Variants in PLEKHF2 observed in about 807,000 individuals in gnomAD.
The protein encoded by PLEKHF2 is pleckstrin homology and FYVE domain containing 2.
A neutral mutation model predicts 14.7 loss-of-function variants in PLEKHF2; 4 were observed. The ratio of observed to expected loss-of-function variants is 0.27; its 90% CI spans 0.13 to 0.62. The LOEUF (loss-of-function observed/expected upper bound fraction) is 0.62. Ranked by LOEUF, PLEKHF2 falls within the 20% of genes least tolerant of loss-of-function variation. The probability of loss-of-function intolerance (pLI) is 0.85; values close to 1 mark genes in which losing one functional copy is unlikely to be tolerated. For missense variants in PLEKHF2, 201 were observed against 307.7 expected, an observed-to-expected ratio of 0.65 and a Z score of 2.60; for synonymous variants, 90 against 103.5, an observed-to-expected ratio of 0.87 and a Z score of 0.79.
intron 1 of PLEKHF2, among the ~76,000 whole-genome samples, chr8:95,136,728 T>A (rs1228106293): frequency 6.6e-6 from 1 of 152,156 alleles, no homozygotes; most frequent in East Asian, 1.9e-4. Context: ...ATATGAAAAA[T>A]TTTTTTGTTG....
chr8:95,151,298 A>G lies in PLEKHF2; in HGVS notation c.-14-2733A>G, dbSNP rs187945309. ...ATCTGTTTGTGTTGTATATGAGTTA[A>G]TAACGATATGTTCAAATGGGTGGAC... On this transcript the variant is annotated intron_variant, in intron 1 of 1. Transcript: ENST00000315367. Among the ~76,000 whole-genome samples the G allele has an allele frequency of 2.6e-5, 4 of 152,294 alleles. No homozygotes were observed. In the East Asian group the frequency reaches 7.7e-4, roughly 29 times the overall value.
chr8:95,134,166 G>A (rs1158435059), intron 1 of PLEKHF2, 136 bp downstream of exon 1: 1 of 151,072 alleles, frequency 6.6e-6, no homozygotes, highest in Non-Finnish European at 1.5e-5. Flanking sequence ...GGGCGGTGGC[G>A]GCCGACGCCA....
At chr8:95,146,811 T>TAAA (rs1039578051) in intron 1 of PLEKHF2, among the ~76,000 whole-genome samples, 1 of 144,440 alleles carries the variant, frequency 6.9e-6, no homozygotes, top group African/African-American at 2.5e-5. Flanking sequence ...GAAGACAACG[T>TAAA]AAAAAAAAAA....
chr8:95,143,688 C>G (rs916771239), intron 1 of PLEKHF2, among the ~76,000 whole-genome samples: 1 of 152,070 alleles, frequency 6.6e-6, no homozygotes, highest in Non-Finnish European at 1.5e-5. Context: ...CTGGTAATAG[C>G]TAGTAGTCTG....
intron 1 of PLEKHF2, among the ~76,000 whole-genome samples, chr8:95,153,498 A>T (rs1284678774): frequency 6.6e-6 from 1 of 152,188 alleles, no homozygotes; most frequent in Non-Finnish European, 1.5e-5. Flanking sequence ...TTAGGGTTTT[A>T]GAGATCACTG....
At chr8:95,141,300 C>T (rs1259083626) in intron 1 of PLEKHF2, among the ~76,000 whole-genome samples, 2 of 152,160 alleles carry the variant, frequency 1.3e-5, no homozygotes, top group Non-Finnish European at 2.9e-5. Context: ...ACTTTCCCCT[C>T]TATTTTTGCA....
At chr8:95,139,826 C>T (rs1446685385) in intron 1 of PLEKHF2, among the ~76,000 whole-genome samples, 4 of 147,226 alleles carry the variant, frequency 2.7e-5, no homozygotes, top group African/African-American at 1.0e-4. Flanking sequence ...TTTTTTTTTC[C>T]CATGTGTCCC....
At chr8:95,148,474 C>T (rs12335131) in intron 1 of PLEKHF2, among the ~76,000 whole-genome samples, 12,112 of 151,996 alleles carry the variant, frequency 0.08, 661 homozygotes, top group African/African-American at 0.14. Flanking sequence ...CTACCAGATA[C>T]AAGGTACTGA....
At chr8:95,148,805 G>T (rs950171057) in intron 1 of PLEKHF2, among the ~76,000 whole-genome samples, 5 of 152,056 alleles carry the variant, frequency 3.3e-5, no homozygotes, top group Non-Finnish European at 7.4e-5. Context: ...TTTCACATAT[G>T]CCAGAATACA....
intron 1 of PLEKHF2, among the ~76,000 whole-genome samples, chr8:95,140,981 A>G (rs772293510): frequency 2.0e-5 from 3 of 152,156 alleles, no homozygotes; most frequent in East Asian, 1.9e-4. Flanking sequence ...AATCTTTCCT[A>G]TAGAAACACA....
chr8:95,151,528 A>G (rs978779297), intron 1 of PLEKHF2, among the ~76,000 whole-genome samples: 3 of 151,666 alleles, frequency 2.0e-5, no homozygotes, highest in East Asian at 3.9e-4. Flanking sequence ...TGTAGTCTGA[A>G]TAGCTCTCAG....
At chr8:95,136,333 T>TACACACACAC (rs34457137) in intron 1 of PLEKHF2, among the ~76,000 whole-genome samples, 4 of 123,932 alleles carry the variant, frequency 3.2e-5, no homozygotes, top group African/African-American at 6.3e-5. Flanking sequence ...TTATTATATA[T>TACACACACAC]ACACACACAC....
intron 1 of PLEKHF2, among the ~76,000 whole-genome samples, chr8:95,147,850 TTC>T (rs1009347340): frequency 6.6e-6 from 1 of 152,038 alleles, no homozygotes; most frequent in African/African-American, 2.4e-5. Flanking sequence ...ATTTTTTATT[TTC>T]TGTCTTTAAT....
At chr8:95,143,818 G>C (rs1160150787) in intron 1 of PLEKHF2, among the ~76,000 whole-genome samples, 1 of 152,184 alleles carries the variant, frequency 6.6e-6, no homozygotes, top group African/African-American at 2.4e-5. Flanking sequence ...ATTTGATTCT[G>C]TTGGCCAAGG....
At chr8:95,143,704 A>T (rs566045511) in intron 1 of PLEKHF2, among the ~76,000 whole-genome samples, 1 of 152,338 alleles carries the variant, frequency 6.6e-6, no homozygotes, top group South Asian at 2.1e-4. Flanking sequence ...GTCTGGTTTG[A>T]CTATAACAGA....
At chr8:95,141,469 T>TC (rs1554696129) in intron 1 of PLEKHF2, among the ~76,000 whole-genome samples, 4 of 152,052 alleles carry the variant, frequency 2.6e-5, no homozygotes, top group East Asian at 1.9e-4. Flanking sequence ...GTGTTATTTT[T>TC]CCCCCCTTTT....
intron 1 of PLEKHF2, among the ~76,000 whole-genome samples, chr8:95,142,170 T>G (rs1810446653): frequency 6.6e-6 from 1 of 152,192 alleles, no homozygotes; most frequent in Admixed American, 6.5e-5. Flanking sequence ...CTAAAGAAAA[T>G]TGGTCAGGGA....
intron 1 of PLEKHF2, among the ~76,000 whole-genome samples, chr8:95,147,397 T>C (rs1209414392): frequency 4.6e-5 from 7 of 152,026 alleles, no homozygotes; most frequent in African/African-American, 9.7e-5. Flanking sequence ...GGGTTTCTTT[T>C]CTGAGTAGTT....
intron 1 of PLEKHF2, among the ~76,000 whole-genome samples, chr8:95,141,341 CT>C (rs1297828976): frequency 6.6e-6 from 1 of 152,166 alleles, no homozygotes. Context: ...TGTTTTCAGT[CT>C]CTTCCTTCTC....
Sources: gnomAD v4.1 joint callset for allele counts (sites outside exome capture counted in the v4.1 genomes callset) on GRCh38, gnomAD v4.1.1 for gene constraint, MANE v1.5 for transcripts, NCBI Gene and HGNC (gene_info 2026-07-23, HGNC 2026-07-21) for gene names.